Variants in TRPC7 observed in about 807,000 individuals in gnomAD.
TRPC7 encodes the protein short transient receptor potential channel 7.
A neutral mutation model predicts 90.1 loss-of-function variants in TRPC7; 42 were observed. The ratio of observed to expected loss-of-function variants is 0.47; its 90% confidence interval spans 0.36 to 0.60. TRPC7 has a LOEUF of 0.60. Among genes scored for constraint, TRPC7 ranks in the 20% least tolerant of loss-of-function variants. The pLI is 0.00. For synonymous variants in TRPC7, 451 were observed against 436.3 expected (o/e 1.03, Z -0.42); for missense variants, 955 against 1,112.3 (o/e 0.86, Z 2.01).
chr5:136,266,798 G>A (rs182411408), intron 4 of TRPC7, among the ~76,000 whole-genome samples: 24 of 152,198 alleles, frequency 1.6e-4, no homozygotes, highest in African/African-American at 4.8e-4. Context: ...TTGAGTGCTC[G>A]GTTTTTGTTT....
Position 136,346,842 on chromosome 5 carries a change from G to C in TRPC7, c.780+9766C>G, listed in dbSNP as rs344822. Among the ~76,000 whole-genome samples, 1,508 of 152,140 alleles carry C rather than the reference G, an allele frequency of 9.9e-3. 12 individuals carry two copies. Among genetic ancestry groups the C allele is most frequent in the African/African-American group, 0.028 (1,152 of 41,466 alleles). Reference sequence around the variant, plus strand: ...AATGTACTGAGTTGAATAGCACCCCGCAGCCCAATGCATGTCCTTCCTGGT... The same window carrying C: ...AATGTACTGAGTTGAATAGCACCCCCCAGCCCAATGCATGTCCTTCCTGGT... On this transcript the variant is annotated intron_variant, in intron 2 of 11. Coordinates refer to ENST00000513104, the MANE Select transcript of TRPC7 (RefSeq NM_020389.3).
At chr5:136,315,863 C>T (rs1561715946) in intron 2 of TRPC7, 84 bp from the exon 3 acceptor site, 12 of 1,319,482 alleles carry the variant, frequency 9.1e-6, no homozygotes, top group African/African-American at 1.4e-5. Flanking sequence ...CGATCAGCAA[C>T]TGCTCACCAC....
intron 2 of TRPC7, among the ~76,000 whole-genome samples, chr5:136,348,136 A>G (rs1485274229): frequency 6.6e-6 from 1 of 152,134 alleles, no homozygotes; most frequent in African/African-American, 2.4e-5. Context: ...TCCAAACTGC[A>G]TATATGAGTC....
At chr5:136,253,935 A>G (rs1198512779) in intron 5 of TRPC7, among the ~76,000 whole-genome samples, 1 of 152,252 alleles carries the variant, frequency 6.6e-6, no homozygotes, top group African/African-American at 2.4e-5. Context: ...TACTGAAGGA[A>G]ATTAAAAGTA....
chr5:136,231,458 C>T lies in TRPC7; in HGVS notation c.1936G>A (p.Glu646Lys), dbSNP rs761895627. 3.7e-6 allele frequency: 6 copies of T among 1,612,906 alleles called. No homozygotes were observed. Among genetic ancestry groups the T allele is most frequent in the South Asian group, 2.2e-5 (2 of 90,754 alleles). ...CCGTAGAGAACGTAGCCAATGTTCT[C>T]GATGAATTTGTGGTCGTATTTCAGC... ...VVLKYDHKFI[E>K]NIGYVLYGVY... Residue 646 changes from glutamate (E) to lysine (K), a missense_variant, in exon 8 of 12, where the codon GAG (glutamate) becomes AAG (lysine). Glu to Lys is a moderately conservative substitution (Grantham distance 56). Around this residue, in one of 4 missense-constraint regions of TRPC7, gnomAD observed 296 missense variants for 422.7 expected, o/e 0.70. Coordinates refer to ENST00000513104, the MANE Select transcript of TRPC7 (RefSeq NM_020389.3).
intron 3 of TRPC7, among the ~76,000 whole-genome samples, chr5:136,277,922 T>C (rs1757419061): frequency 6.6e-6 from 1 of 152,244 alleles, no homozygotes; most frequent in Non-Finnish European, 1.5e-5. Flanking sequence ...ACATGATTCA[T>C]ATTCATCATA....
chr5:136,299,241 C>G (rs184986070), intron 3 of TRPC7, among the ~76,000 whole-genome samples: 1 of 150,260 alleles, frequency 6.7e-6, no homozygotes, highest in Non-Finnish European at 1.5e-5. Flanking sequence ...GTGGAGGTTG[C>G]GGTGAGCTGA....
At chr5:136,333,544 A>T (rs1759564231) in intron 2 of TRPC7, among the ~76,000 whole-genome samples, 2 of 152,186 alleles carry the variant, frequency 1.3e-5, no homozygotes, top group Admixed American at 1.3e-4. Context: ...TCATGGTCTG[A>T]TTTATATTGA....
intron 3 of TRPC7, among the ~76,000 whole-genome samples, chr5:136,295,344 G>T (rs1318277133): frequency 6.6e-6 from 1 of 152,094 alleles, no homozygotes; most frequent in Non-Finnish European, 1.5e-5. Context: ...AAATAATCTG[G>T]GGGAAAATGT....
At chr5:136,281,046 T>G (rs1757534112) in intron 3 of TRPC7, among the ~76,000 whole-genome samples, 1 of 152,198 alleles carries the variant, frequency 6.6e-6, no homozygotes, top group South Asian at 2.1e-4. Context: ...TTCCTCAAGG[T>G]AGATTTAAAA....
intron 3 of TRPC7, among the ~76,000 whole-genome samples, chr5:136,277,459 CT>C (rs1250670981): frequency 2.0e-5 from 3 of 152,222 alleles, no homozygotes; most frequent in Non-Finnish European, 4.4e-5. Context: ...CCTTTCTGCA[CT>C]TGTGGCAGCC....
intron 3 of TRPC7, among the ~76,000 whole-genome samples, chr5:136,305,439 T>G (rs942307119): frequency 7.9e-5 from 12 of 152,164 alleles, no homozygotes; most frequent in Non-Finnish European, 1.5e-4. Flanking sequence ...CAGTGTTCCA[T>G]CTGCTATTCT....
At chr5:136,273,082 C>T (rs770318076) in intron 4 of TRPC7, among the ~76,000 whole-genome samples, 9 of 152,210 alleles carry the variant, frequency 5.9e-5, no homozygotes, top group Non-Finnish European at 1.2e-4. Flanking sequence ...TTTAGCTTTG[C>T]AGCAAAAGTG....
intron 3 of TRPC7, among the ~76,000 whole-genome samples, chr5:136,308,474 A>T (rs1758718549): frequency 1.3e-5 from 2 of 152,246 alleles, no homozygotes; most frequent in South Asian, 4.1e-4. Flanking sequence ...ATGCCTCAGC[A>T]GGAAAACACA....
chr5:136,305,637 G>A (rs1758595381), intron 3 of TRPC7, among the ~76,000 whole-genome samples: 2 of 152,174 alleles, frequency 1.3e-5, no homozygotes, highest in South Asian at 4.2e-4. Flanking sequence ...GTCTGAGAAG[G>A]CCACGGCAGT....
intron 7 of TRPC7, among the ~76,000 whole-genome samples, chr5:136,234,235 C>CCA (rs1755912321): frequency 6.6e-6 from 1 of 152,216 alleles, no homozygotes; most frequent in South Asian, 2.1e-4. Context: ...AGAGTGGGAG[C>CCA]CACACCTCCA....
chr5:136,235,184 G>GT (rs1360787767), intron 7 of TRPC7, among the ~76,000 whole-genome samples: 1 of 152,118 alleles, frequency 6.6e-6, no homozygotes, highest in East Asian at 1.9e-4. Flanking sequence ...ATTTGCAAAC[G>GT]TAAGACAAAC....
chr5:136,330,250 C>A (rs534839673), intron 2 of TRPC7, among the ~76,000 whole-genome samples: 1 of 152,360 alleles, frequency 6.6e-6, no homozygotes, highest in East Asian at 1.9e-4. Flanking sequence ...ATAACTATTG[C>A]TGTTATTACT....
At chr5:136,342,307 G>C (rs920699917) in intron 2 of TRPC7, among the ~76,000 whole-genome samples, 3 of 152,198 alleles carry the variant, frequency 2.0e-5, no homozygotes, top group African/African-American at 7.2e-5. Flanking sequence ...AGCTGGCCAA[G>C]AATATCAAGA....
Sources: gnomAD v4.1 joint callset for allele counts (sites outside exome capture counted in the v4.1 genomes callset) on GRCh38, gnomAD v4.1.1 for gene constraint, gnomAD v4.1.1 regional missense constraint, MANE v1.5 for transcripts, NCBI Gene and HGNC (gene_info 2026-07-23, HGNC 2026-07-21) for gene names.